The following CHFR variants were observed in gnomAD, a reference collection of about 807,000 sequenced individuals.
The protein encoded by CHFR is E3 ubiquitin-protein ligase CHFR.
Under a neutral mutation model 87.6 loss-of-function variants are expected in CHFR, and 57 were observed. The ratio of observed to expected loss-of-function variants is 0.65; its 90% CI spans 0.53 to 0.81. The LOEUF (loss-of-function observed/expected upper bound fraction) is 0.81, where lower values mean the gene tolerates loss of function less well. CHFR is among the 30% of genes least tolerant of loss of function. The probability of loss-of-function intolerance (pLI) is 0.00; values close to 1 mark genes in which losing one functional copy is unlikely to be tolerated. For missense variants in CHFR, 797 were observed against 865.8 expected (o/e 0.92, Z 1.00); for synonymous variants, 381 against 359.2 (o/e 1.06, Z -0.69).
Position 132,841,330 on chromosome 12 carries a change from G to A in CHFR, c.*224C>T. 1.8e-6 allele frequency: 1 copy of A among 543,926 alleles called. No homozygotes were observed. The highest frequency in any genetic ancestry group is 3.3e-6 in the Non-Finnish European group (1 of 306,088). The allele number at this position is 543,926 out of a possible 1,614,324, so 33.7% of individuals were successfully genotyped here. A position where few individuals can be genotyped will look rare whatever the true frequency, so the allele number is the denominator to read the frequency against. On this transcript the variant is annotated 3_prime_UTR_variant, in exon 18 of 18. Coordinates refer to ENST00000450056, the MANE Select transcript of CHFR (RefSeq NM_001161346.2). ...TGCTGCTGATGCCACCACGAGCCCT[G>A]CCCAGCGCTCACCAGGAGGGCGGGC...
chr12:132,885,870 A>T lies in CHFR; in HGVS notation c.133+1326T>A, dbSNP rs1037828685. On this transcript the variant is annotated intron_variant, in intron 2 of 17. Transcript: ENST00000450056. ...TCTTCACCAAACCTCCTAGTCTATC[A>T]AGTAAAGACAAAGGGAAAAATCTTC... Among the ~76,000 whole-genome samples, 4 of 152,344 alleles carry T rather than the reference A, an allele frequency of 2.6e-5. No homozygotes were observed. In the East Asian group the frequency reaches 7.7e-4, roughly 29 times the overall value.
intron 3 of CHFR, 48 bp from the exon 4 acceptor site, chr12:132,872,442 G>A (rs1020316353): frequency 1.4e-6 from 2 of 1,431,064 alleles, no homozygotes; most frequent in Admixed American, 1.7e-5. Flanking sequence ...ATAACTTGGA[G>A]TTACAAGATT....
Position 132,879,719 on chromosome 12 carries a change from CA to C in CHFR, c.134-2066del, listed in dbSNP as rs1951721999. On this transcript the variant is annotated intron_variant, in intron 2 of 17. Coordinates refer to ENST00000450056, the MANE Select transcript of CHFR (RefSeq NM_001161346.2). ...ATACAAAAGCAAGAGGGAAAATCCT[CA>C]ATACTTGCCCTCTCCTTAAATCAAA... Among the ~76,000 whole-genome samples the C allele has an allele frequency of 2.6e-5, 4 of 152,210 alleles. No individual in the cohort carries two copies. The South Asian group carries it at 6.2e-4, about 24-fold the overall frequency.
chr12:132,837,012 T>TG lies in CHFR; in HGVS notation c.*4541dup, dbSNP rs1201114261. 3.5e-5 allele frequency: 12 copies of TG among 340,840 alleles called. No individual in the cohort carries two copies. The East Asian group carries it at 7.9e-4, about 22-fold the overall frequency. The allele number at this position is 340,840 out of a possible 1,614,324, so 21.1% of individuals were successfully genotyped here. ...GGGGAAACTAGACTGGCTGGCGGGG[T>TG]GGGGGCAGCCCTGCAGGAGCTGAAT... On this transcript the variant is annotated 3_prime_UTR_variant, in exon 18 of 18. Coordinates refer to ENST00000450056, the MANE Select transcript of CHFR (RefSeq NM_001161346.2).
chr12:132,848,115 G>C lies in CHFR; in HGVS notation c.1617C>G (p.Asn539Lys), dbSNP rs1213796881. ...GGATGTCTGACTCGTAGCTGTTGTTGTTCAGCACGCCGTCCAGACACTTGT... is the reference window on the plus strand; with the variant it reads ...GGATGTCTGACTCGTAGCTGTTGTTCTTCAGCACGCCGTCCAGACACTTGT... ...LGDKCLDGVL[N>K]NNSYESDILK... Residue 539 changes from asparagine to lysine, a missense_variant, in exon 14 of 18, where the codon AAC (asparagine) becomes AAG (lysine). Physicochemically the swap from Asn to Lys is moderately conservative, Grantham distance 94. Coordinates refer to ENST00000450056, the MANE Select transcript of CHFR (RefSeq NM_001161346.2). 1 of 1,614,130 alleles carries C rather than the reference G, an allele frequency of 6.2e-7. No individual in the cohort carries two copies. Among genetic ancestry groups the C allele is most frequent in the Non-Finnish European group, 8.5e-7 (1 of 1,180,018 alleles).
At chr12:132,847,228 G>A (rs1950850954) in intron 14 of CHFR, 98 bp from the exon 15 acceptor site, 1 of 1,536,032 alleles carries the variant, frequency 6.5e-7, no homozygotes, top group Non-Finnish European at 8.8e-7. Flanking sequence ...CCCTGAAAGT[G>A]TGCAAAGCCA....
chr12:132,849,283 C>T (rs1950890315), intron 12 of CHFR: 1 of 151,166 alleles, frequency 6.6e-6, no homozygotes, highest in African/African-American at 2.4e-5. Flanking sequence ...TGAACATTTA[C>T]AGGCGTGATG....
intron 2 of CHFR, among the ~76,000 whole-genome samples, chr12:132,885,335 C>T (rs966133254): frequency 3.2e-4 from 47 of 146,628 alleles, no homozygotes; most frequent in African/African-American, 1.1e-3. Flanking sequence ...GGCAAGAACC[C>T]GGGAGGTGGA....
At position 132,856,479 on chromosome 12, in the gene CHFR, G is replaced by A. The variant is rs1368718436; in HGVS notation, c.1218C>T (p.Ser406=). ...GGGGCATGATTTACCTAATGTCTGA[G>A]GACTCACTGTCAACGTCTGACAGCT... The part of the protein sequence containing the change: ...LLELSDVDSE[S]SDISQPYVVC... The change falls in exon 10 of 18, where the codon TCC becomes TCT. Residue 406 remains serine, a synonymous_variant. Coordinates refer to ENST00000450056, the MANE Select transcript of CHFR (RefSeq NM_001161346.2). 1.2e-6 allele frequency: 2 copies of A among 1,614,046 alleles called. No individual in the cohort carries two copies. Among genetic ancestry groups the A allele is most frequent in the Admixed American group, 3.3e-5 (2 of 60,012 alleles).
chr12:132,886,329 A>C (rs1021278472), intron 2 of CHFR, among the ~76,000 whole-genome samples: 8 of 151,322 alleles, frequency 5.3e-5, no homozygotes, highest in South Asian at 2.1e-4. Flanking sequence ...AAACAAAAAA[A>C]CAAAAAAAAC....
chr12:132,853,639 G>A lies in CHFR; in HGVS notation c.1230-66C>T, dbSNP rs927350519. The A allele has an allele frequency of 3.3e-5, 48 of 1,463,738 alleles. No individual in the cohort carries two copies. In the East Asian group the frequency reaches 8.5e-4, roughly 26 times the overall value. The allele number at this position is 1,463,738 out of a possible 1,614,324, so 90.7% of individuals were successfully genotyped here. A position where few individuals can be genotyped will look rare whatever the true frequency, so the allele number is the denominator to read the frequency against. ...GCCTCTCAGGTAGGGCCGGTGCAAC[G>A]CGGGTCCGCAGCCATCACAGCTCAG... On this transcript the variant is annotated intron_variant, in intron 10 of 17. Transcript: ENST00000450056.
intron 2 of CHFR, among the ~76,000 whole-genome samples, chr12:132,882,683 G>A (rs1449218517): frequency 6.7e-6 from 1 of 149,774 alleles, no homozygotes; most frequent in African/African-American, 2.5e-5. Flanking sequence ...TGTAACAGAG[G>A]CGTCTCCATG....
intron 2 of CHFR, among the ~76,000 whole-genome samples, chr12:132,885,665 TAAC>T (rs1483595381): frequency 2.0e-5 from 3 of 152,198 alleles, no homozygotes; most frequent in Non-Finnish European, 4.4e-5. Flanking sequence ...CATGTTACAA[TAAC>T]AATGGCTAAT....
chr12:132,870,364 A>C (rs1951459569), intron 5 of CHFR, among the ~76,000 whole-genome samples: 1 of 138,498 alleles, frequency 7.2e-6, no homozygotes, highest in Non-Finnish European at 1.6e-5. Context: ...AAAACAAACA[A>C]ACAAACAAAC....
intron 6 of CHFR, among the ~76,000 whole-genome samples, chr12:132,868,244 C>T (rs569878095): frequency 2.0e-5 from 3 of 152,344 alleles, no homozygotes; most frequent in South Asian, 4.1e-4. Flanking sequence ...GTAATCCTAG[C>T]ACTTTGGGAG....
intron 15 of CHFR, among the ~76,000 whole-genome samples, 174 bp from the exon 16 acceptor site, chr12:132,844,308 G>A (rs1387688531): frequency 2.0e-5 from 3 of 152,192 alleles, no homozygotes; most frequent in Non-Finnish European, 4.4e-5. Context: ...TTATTGAGAC[G>A]GAGTCTCGCT....
At chr12:132,872,449 G>T (rs1951512365) in intron 3 of CHFR, 55 bp from the exon 4 acceptor site, 1 of 1,380,396 alleles carries the variant, frequency 7.2e-7, no homozygotes, top group Non-Finnish European at 1.0e-6. Context: ...GGAGTTACAA[G>T]ATTTTTTTTC....
rs779402953 is a variant in CHFR at position 132,872,268 on chromosome 12, G to A, written c.343+17C>T. The stretch of plus-strand genomic sequence containing the variant: ...CCCCGTGCGGGTCTGACCCCGGCAA[G>A]CCTTCCTCTCTCTTACTGTGTTCCG... On this transcript the variant is annotated intron_variant, in intron 4 of 17. Transcript: ENST00000450056. The A allele has an allele frequency of 1.3e-6, 2 of 1,562,468 alleles. No homozygotes were observed. Among genetic ancestry groups the A allele is most frequent in the South Asian group, 2.2e-5 (2 of 89,950 alleles).
At chr12:132,843,820 G>A (rs1218549920) in intron 16 of CHFR, among the ~76,000 whole-genome samples, 1 of 151,960 alleles carries the variant, frequency 6.6e-6, no homozygotes, top group Non-Finnish European at 1.5e-5. Context: ...GTGGTGGCGG[G>A]TGCCTGTAAT....
Sources: allele counts gnomAD v4.1 joint callset (sites outside exome capture counted in the v4.1 genomes callset), GRCh38; gene constraint gnomAD v4.1.1; transcripts MANE v1.5; gene names NCBI Gene and HGNC (gene_info 2026-07-23, HGNC 2026-07-21).